The following LMBRD1 variants were observed in gnomAD, a reference collection of about 807,000 sequenced individuals.
The protein encoded by LMBRD1 is lysosomal cobalamin transport escort protein LMBD1.
LMBRD1 carries 64 observed loss-of-function variants against 74.8 expected under a neutral mutation model. That is an observed-to-expected ratio of 0.86 (90% confidence interval 0.70 to 1.05). LMBRD1 has a LOEUF of 1.05. Among genes scored for constraint, LMBRD1 ranks in the 50% least tolerant of loss-of-function variants. The probability of loss-of-function intolerance (pLI) is 0.00; values close to 1 mark genes in which losing one functional copy is unlikely to be tolerated. For missense variants in LMBRD1, 652 were observed against 645.9 expected (o/e 1.01, Z -0.10); for synonymous variants, 204 against 216.3 (o/e 0.94, Z 0.50).
chr6:69,711,936 G>A (rs1411287536), intron 9 of LMBRD1, among the ~76,000 whole-genome samples: 1 of 151,928 alleles, frequency 6.6e-6, no homozygotes, highest in East Asian at 1.9e-4. Flanking sequence ...CATCACCCAG[G>A]TACTAAGCAA....
intron 3 of LMBRD1, among the ~76,000 whole-genome samples, chr6:69,774,024 A>G (rs1765632209): frequency 6.6e-6 from 1 of 152,224 alleles, no homozygotes; most frequent in African/African-American, 2.4e-5. Context: ...AAGAAAGTCT[A>G]TGTGGATGAT....
intron 5 of LMBRD1, among the ~76,000 whole-genome samples, chr6:69,745,132 C>T (rs9346343): frequency 0.34 from 51,259 of 151,536 alleles, 9,716 homozygotes; most frequent in East Asian, 0.55. Context: ...CCATGCCCAG[C>T]CCACAGTGCT....
chr6:69,761,888 T>C (rs1461740607), intron 3 of LMBRD1, among the ~76,000 whole-genome samples: 1 of 152,204 alleles, frequency 6.6e-6, no homozygotes, highest in African/African-American at 2.4e-5. Flanking sequence ...TTATATAAGA[T>C]ACAGTCTTCT....
chr6:69,687,212 C>G (rs1052005517), intron 14 of LMBRD1, among the ~76,000 whole-genome samples: 2 of 152,188 alleles, frequency 1.3e-5, no homozygotes, highest in African/African-American at 4.8e-5. Context: ...TCTCCAGATA[C>G]TGTGTTTGCT....
intron 9 of LMBRD1, among the ~76,000 whole-genome samples, chr6:69,703,515 TAG>T (rs1188340789): frequency 1.3e-5 from 2 of 150,640 alleles, no homozygotes; most frequent in Non-Finnish European, 3.0e-5. Flanking sequence ...TCCAAATCTG[TAG>T]AGATGACTGA....
chr6:69,779,056 T>A (rs1197357476), intron 3 of LMBRD1, among the ~76,000 whole-genome samples: 1 of 151,842 alleles, frequency 6.6e-6, no homozygotes, highest in Non-Finnish European at 1.5e-5. Flanking sequence ...CGTGATGGTG[T>A]GTGCCTGTAA....
intron 14 of LMBRD1, among the ~76,000 whole-genome samples, chr6:69,692,311 C>T (rs3799100): frequency 0.36 from 54,975 of 151,748 alleles, 10,522 homozygotes; most frequent in East Asian, 0.54. Flanking sequence ...TACATATATA[C>T]AGTAAGCAAA....
At chr6:69,773,890 C>T (rs1375749519) in intron 3 of LMBRD1, among the ~76,000 whole-genome samples, 1 of 152,174 alleles carries the variant, frequency 6.6e-6, no homozygotes, top group Non-Finnish European at 1.5e-5. Context: ...CTGTTGCCTG[C>T]ATCAATATAG....
At chr6:69,708,749 TTA>T (rs1321675604) in intron 9 of LMBRD1, among the ~76,000 whole-genome samples, 1 of 152,056 alleles carries the variant, frequency 6.6e-6, no homozygotes, top group African/African-American at 2.4e-5. Flanking sequence ...CAAACATGAA[TTA>T]TAGTAGAGAA....
intron 5 of LMBRD1, among the ~76,000 whole-genome samples, chr6:69,749,093 G>C (rs1010742800): frequency 6.6e-5 from 10 of 151,936 alleles, no homozygotes; most frequent in African/African-American, 2.4e-4. Context: ...TGTGTAAAAA[G>C]CATGTAGAAT....
intron 6 of LMBRD1, among the ~76,000 whole-genome samples, chr6:69,739,949 T>C (rs1293278893): frequency 2.6e-5 from 4 of 152,040 alleles, no homozygotes; most frequent in African/African-American, 7.2e-5. Flanking sequence ...CTACTAAAAA[T>C]ACAAAAATTA....
chr6:69,693,702 T>C (rs775454002), intron 14 of LMBRD1, among the ~76,000 whole-genome samples: 1 of 151,970 alleles, frequency 6.6e-6, no homozygotes, highest in Non-Finnish European at 1.5e-5. Flanking sequence ...TAGTGTATAC[T>C]GCTATACAAG....
At chr6:69,750,620 A>C (rs1163150006) in intron 4 of LMBRD1, among the ~76,000 whole-genome samples, 1 of 152,136 alleles carries the variant, frequency 6.6e-6, no homozygotes, top group African/African-American at 2.4e-5. Flanking sequence ...TTAGGAAAAA[A>C]ACTAAAGAAA....
chr6:69,742,638 G>GT (rs1471694203), intron 5 of LMBRD1, among the ~76,000 whole-genome samples: 1 of 152,092 alleles, frequency 6.6e-6, no homozygotes, highest in Non-Finnish European at 1.5e-5. Flanking sequence ...GGAGTAGGAA[G>GT]TAACTCTAAT....
At chr6:69,743,756 G>A (rs1221190380) in intron 5 of LMBRD1, among the ~76,000 whole-genome samples, 3 of 152,084 alleles carry the variant, frequency 2.0e-5, no homozygotes. Context: ...TCAAAATATG[G>A]CAAAGGCACT....
At chr6:69,745,809 G>C (rs533244276) in intron 5 of LMBRD1, 6 of 152,686 alleles carry the variant, frequency 3.9e-5, no homozygotes, top group African/African-American at 9.6e-5. Context: ...CTGGCTCTCT[G>C]CTCCCCCATT....
At chr6:69,698,454 G>A (rs1017861965) in intron 13 of LMBRD1, among the ~76,000 whole-genome samples, 6 of 151,784 alleles carry the variant, frequency 4.0e-5, no homozygotes, top group Admixed American at 2.0e-4. Context: ...TTTTAAAAAC[G>A]GAAAAAAACT....
At chr6:69,750,830 T>C (rs1340500215) in intron 4 of LMBRD1, among the ~76,000 whole-genome samples, 1 of 152,122 alleles carries the variant, frequency 6.6e-6, no homozygotes, top group Non-Finnish European at 1.5e-5. Flanking sequence ...AATATTTAAA[T>C]ACCTAACTTT....
chr6:69,690,962 T>C (rs534779067), intron 14 of LMBRD1, among the ~76,000 whole-genome samples: 169 of 152,274 alleles, frequency 1.1e-3, no homozygotes, highest in Non-Finnish European at 2.0e-3. Flanking sequence ...TGATACTTTA[T>C]TGCATATTAT....
Sources: allele counts gnomAD v4.1 joint callset (sites outside exome capture counted in the v4.1 genomes callset), GRCh38; gene constraint gnomAD v4.1.1; transcripts MANE v1.5; gene names NCBI Gene and HGNC (gene_info 2026-07-23, HGNC 2026-07-21).